ACTR3: variants seen among roughly 807,000 people sequenced by gnomAD.
ACTR3 encodes actin-related protein 3.
Under a neutral mutation model 56.8 loss-of-function variants are expected in ACTR3, and 12 were observed. The observed-to-expected ratio is 0.21, with a 90% confidence interval of 0.14 to 0.34. ACTR3 has a LOEUF of 0.34. Among genes scored for constraint, ACTR3 ranks in the 10% least tolerant of loss-of-function variants. The pLI, the probability that ACTR3 is intolerant of heterozygous loss-of-function variation, is 1.00. For synonymous variants in ACTR3, 162 were observed against 167.4 expected, an observed-to-expected ratio of 0.97 and a Z score of 0.25; for missense variants, 282 against 512.5, an observed-to-expected ratio of 0.55 and a Z score of 4.34.
chr2:113,940,484 G>T (rs973464058), intron 7 of ACTR3, among the ~76,000 whole-genome samples: 2 of 151,882 alleles, frequency 1.3e-5, no homozygotes, highest in African/African-American at 4.8e-5. Context: ...AAATTATTTT[G>T]ATACAATTGA....
chr2:113,921,903 AAGAC>A (rs531259787), intron 3 of ACTR3, among the ~76,000 whole-genome samples: 14 of 152,156 alleles, frequency 9.2e-5, no homozygotes, highest in African/African-American at 1.4e-4. Context: ...GAAGAGAACT[AAGAC>A]AGAGCAGTGT....
intron 4 of ACTR3, among the ~76,000 whole-genome samples, chr2:113,928,513 G>C (rs1238743494): frequency 6.6e-6 from 1 of 152,122 alleles, no homozygotes; most frequent in Non-Finnish European, 1.5e-5. Flanking sequence ...ATTTTGACCA[G>C]GGTTTGGCAA....
intron 6 of ACTR3, among the ~76,000 whole-genome samples, chr2:113,938,234 CATT>C (rs2104616038): frequency 6.6e-6 from 1 of 152,162 alleles, no homozygotes; most frequent in African/African-American, 2.4e-5. Flanking sequence ...TCCTCATCCT[CATT>C]GTTGACCTTC....
intron 8 of ACTR3, among the ~76,000 whole-genome samples, chr2:113,950,144 T>C (rs62169929): frequency 0.47 from 71,007 of 152,114 alleles, 20,335 homozygotes; most frequent in Middle Eastern, 0.66. Flanking sequence ...CCTTGTTTCA[T>C]GTGTGTTTCT....
At chr2:113,954,617 T>C (rs1325081538) in intron 10 of ACTR3, 2 of 151,822 alleles carry the variant, frequency 1.3e-5, no homozygotes, top group Non-Finnish European at 2.9e-5. Context: ...GTGGGAGTTA[T>C]TCAAATGGCT....
At chr2:113,902,695 G>T (rs561253441) in intron 1 of ACTR3, among the ~76,000 whole-genome samples, 1 of 152,140 alleles carries the variant, frequency 6.6e-6, no homozygotes, top group East Asian at 1.9e-4. Context: ...TTTCTCCCGG[G>T]TTCAAGTGAT....
Position 113,922,167 on chromosome 2 carries a change from A to G in ACTR3, c.225+5159A>G, listed in dbSNP as rs140421542. ...AAAAGTAACAGTAAGAGTACTGTTCATTGAGTTTCAATTGTGATTGGGAGG... is the reference window on the plus strand; with the variant it reads ...AAAAGTAACAGTAAGAGTACTGTTCGTTGAGTTTCAATTGTGATTGGGAGG... On this transcript the variant is annotated intron_variant, in intron 3 of 11. Coordinates refer to ENST00000263238, the MANE Select transcript of ACTR3 (RefSeq NM_005721.5). Among the ~76,000 whole-genome samples the G allele has an allele frequency of 1.4e-4, 21 of 152,312 alleles. 1 individual carries two copies. The East Asian group carries it at 4.0e-3, about 29-fold the overall frequency.
chr2:113,898,257 A>G (rs1679044253), intron 1 of ACTR3, among the ~76,000 whole-genome samples: 1 of 152,102 alleles, frequency 6.6e-6, no homozygotes. Context: ...TGTATTTGTG[A>G]AACTTGCTTT....
chr2:113,942,376 G>T lies in ACTR3; in HGVS notation c.858+17G>T. 1 of 1,543,602 alleles carries T rather than the reference G, an allele frequency of 6.5e-7. No individual in the cohort carries two copies. Among genetic ancestry groups the T allele is most frequent in the South Asian group, 1.2e-5 (1 of 80,162 alleles). ...CATCCAGAGGTAATTTTTTTTAACG[G>T]AATTGTTTAAAAGTATTCAGCAGCA... On this transcript the variant is annotated intron_variant, in intron 8 of 11. Transcript: ENST00000263238.
intron 10 of ACTR3, chr2:113,954,903 A>T (rs1680184866): frequency 6.6e-6 from 1 of 152,068 alleles, no homozygotes; most frequent in Non-Finnish European, 1.5e-5. Context: ...GTGTGTTTAT[A>T]CATCTATATC....
At chr2:113,911,419 CT>C (rs34495665) in intron 1 of ACTR3, among the ~76,000 whole-genome samples, 169 of 117,810 alleles carry the variant, frequency 1.4e-3, no homozygotes, top group African/African-American at 2.7e-3. Flanking sequence ...ATTTGGCACA[CT>C]TTTTTTTTTT....
chr2:113,942,193 A>G lies in ACTR3; in HGVS notation c.692A>G (p.Tyr231Cys), dbSNP rs1246949424. 2 of 1,569,894 alleles carry G rather than the reference A, an allele frequency of 1.3e-6. No individual in the cohort carries two copies. The highest frequency in any genetic ancestry group is 1.7e-6 in the Non-Finnish European group (2 of 1,166,096). ...TGTTTCTTTGTTTTTCAGGAGCGCTATAGTTATGTCTGCCCAGATTTAGTA... is the reference window on the plus strand; with the variant it reads ...TGTTTCTTTGTTTTTCAGGAGCGCTGTAGTTATGTCTGCCCAGATTTAGTA... ...LETAKAVKERYSYVCPDLVKE... is the reference protein window; with the variant it reads ...LETAKAVKERCSYVCPDLVKE... Residue 231 changes from tyrosine (Y) to cysteine (C), a missense_variant, in exon 8 of 12, where the codon TAT becomes TGT. Physicochemically the swap from Tyr to Cys is radical, Grantham distance 194 (BLOSUM62 -2). Transcript: ENST00000263238.
chr2:113,890,067 C>T (rs1678853080), upstream of ACTR3: 4 of 602,632 alleles, frequency 6.6e-6, no homozygotes, highest in Admixed American at 2.6e-5. Context: ...CGGGGCAGGG[C>T]GGGGACTGCC....
intron 3 of ACTR3, among the ~76,000 whole-genome samples, chr2:113,924,246 T>C (rs951544192): frequency 3.3e-5 from 5 of 151,732 alleles, no homozygotes; most frequent in Non-Finnish European, 7.4e-5. Context: ...ATTAAAAATT[T>C]TTTTTTTTTT....
At chr2:113,950,617 C>T (rs1370353369) in intron 8 of ACTR3, among the ~76,000 whole-genome samples, 1 of 152,036 alleles carries the variant, frequency 6.6e-6, no homozygotes, top group African/African-American at 2.4e-5. Flanking sequence ...TTATTTCATC[C>T]CCTATTGATG....
At chr2:113,941,262 A>G (rs1288438054) in intron 7 of ACTR3, among the ~76,000 whole-genome samples, 2 of 152,236 alleles carry the variant, frequency 1.3e-5, no homozygotes, top group Non-Finnish European at 2.9e-5. Context: ...TGTGAATACT[A>G]CTGATTCAAC....
intron 4 of ACTR3, among the ~76,000 whole-genome samples, chr2:113,928,788 A>G (rs528645919): frequency 1.3e-5 from 2 of 152,294 alleles, no homozygotes; most frequent in South Asian, 2.1e-4. Context: ...TGTCAGTTAC[A>G]TACATCTGTG....
At chr2:113,891,081 T>G (rs1485362353) in intron 1 of ACTR3, among the ~76,000 whole-genome samples, 3 of 152,216 alleles carry the variant, frequency 2.0e-5, no homozygotes, top group Non-Finnish European at 4.4e-5. Flanking sequence ...CAGTCTTTTA[T>G]ACCCTTATAA....
At chr2:113,916,804 T>C in intron 2 of ACTR3, 80 bp from the exon 3 acceptor site, 1 of 1,265,312 alleles carries the variant, frequency 7.9e-7, no homozygotes, top group Non-Finnish European at 1.1e-6. Context: ...TGTAGTACTT[T>C]GTAATGGGAG....
Sources: allele counts gnomAD v4.1 joint callset (sites outside exome capture counted in the v4.1 genomes callset), GRCh38; gene constraint gnomAD v4.1.1; transcripts MANE v1.5; gene names NCBI Gene and HGNC (gene_info 2026-07-23, HGNC 2026-07-21).